The following DPP10 variants were observed in gnomAD, a reference collection of about 807,000 sequenced individuals.
DPP10 encodes the protein dipeptidyl peptidase like 10.
In DPP10, 33 loss-of-function variants were observed where a neutral mutation model predicts 120.9. That is an observed-to-expected ratio of 0.27 (90% confidence interval 0.21 to 0.37). The LOEUF (loss-of-function observed/expected upper bound fraction) is 0.37. DPP10 is among the 10% of genes least tolerant of loss of function. DPP10 has a pLI of 1.00. For missense variants in DPP10, 816 were observed against 942.8 expected (o/e 0.87, Z 1.76); for synonymous variants, 337 against 326.1 (o/e 1.03, Z -0.36).
At chr2:114,890,045 T>C (rs1261179349) in intron 1 of DPP10, among the ~76,000 whole-genome samples, 2 of 152,224 alleles carry the variant, frequency 1.3e-5, no homozygotes, top group African/African-American at 2.4e-5. Flanking sequence ...GATATGCAGA[T>C]GAATAAGTCA....
intron 5 of DPP10, among the ~76,000 whole-genome samples, chr2:115,582,555 C>G (rs2149132636): frequency 6.6e-6 from 1 of 152,284 alleles, no homozygotes; most frequent in Middle Eastern, 3.4e-3. Flanking sequence ...GGGAGTGATG[C>G]TCTCTTGCCC....
chr2:115,041,867 T>C (rs1704670224), intron 1 of DPP10, among the ~76,000 whole-genome samples: 1 of 152,184 alleles, frequency 6.6e-6, no homozygotes, highest in African/African-American at 2.4e-5. Context: ...GTGGTGCCCT[T>C]TGTAACACAA....
intron 1 of DPP10, among the ~76,000 whole-genome samples, chr2:115,103,300 G>C (rs931570660): frequency 6.7e-6 from 1 of 148,924 alleles, no homozygotes; most frequent in Non-Finnish European, 1.5e-5. Flanking sequence ...CCATTCTCCT[G>C]CCTCAGCCTC....
At chr2:115,737,230 A>T (rs1186547759) in intron 8 of DPP10, among the ~76,000 whole-genome samples, 1 of 152,188 alleles carries the variant, frequency 6.6e-6, no homozygotes, top group East Asian at 1.9e-4. Context: ...GAGGGGATGA[A>T]GCAGAGAAGG....
chr2:115,129,560 G>A (rs2050237478), intron 1 of DPP10, among the ~76,000 whole-genome samples: 1 of 152,168 alleles, frequency 6.6e-6, no homozygotes, highest in South Asian at 2.1e-4. Context: ...TATGCTTAAT[G>A]AATATATCAC....
At chr2:115,034,520 C>G (rs901590611) in intron 1 of DPP10, among the ~76,000 whole-genome samples, 3 of 152,186 alleles carry the variant, frequency 2.0e-5, no homozygotes, top group Non-Finnish European at 4.4e-5. Context: ...TGATCTCCCA[C>G]TGCCCTCAGA....
intron 1 of DPP10, among the ~76,000 whole-genome samples, chr2:114,873,837 A>T (rs1690914555): frequency 6.6e-6 from 1 of 152,138 alleles, no homozygotes; most frequent in African/African-American, 2.4e-5. Flanking sequence ...ATGGCTTTCT[A>T]TACGTAGATC....
chr2:115,376,065 G>A (rs2065770259), intron 3 of DPP10, among the ~76,000 whole-genome samples: 1 of 152,114 alleles, frequency 6.6e-6, no homozygotes, highest in African/African-American at 2.4e-5. Context: ...GGGAGCTGAT[G>A]CAGTAAATTT....
chr2:115,689,612 G>A (rs2091195962), intron 5 of DPP10, 75 bp from the exon 6 acceptor site: 1 of 977,754 alleles, frequency 1.0e-6, no homozygotes, highest in Admixed American at 3.0e-5. Flanking sequence ...TTACCTGGAT[G>A]TTACTAAGAA....
intron 1 of DPP10, among the ~76,000 whole-genome samples, chr2:115,183,472 A>G (rs1412608234): frequency 6.6e-6 from 1 of 152,140 alleles, no homozygotes; most frequent in Non-Finnish European, 1.5e-5. Flanking sequence ...CCATATACCT[A>G]CACATTTCTT....
rs1349513923 is a variant in DPP10, at chr2:115,691,749, T to C, written c.576+1828T>C. ...AATTTATTATTTGAATCTATATGTCTATTTTGGGAAATTAACATCTTAGTG... is the reference window on the plus strand; with the variant it reads ...AATTTATTATTTGAATCTATATGTCCATTTTGGGAAATTAACATCTTAGTG... On this transcript the variant is annotated intron_variant, in intron 7 of 25. Coordinates refer to ENST00000410059, the MANE Select transcript of DPP10 (RefSeq NM_020868.6). Among the ~76,000 whole-genome samples the C allele has an allele frequency of 3.3e-5, 5 of 152,296 alleles. No homozygotes were observed. The South Asian group carries it at 1.0e-3, about 32-fold the overall frequency.
intron 1 of DPP10, among the ~76,000 whole-genome samples, chr2:114,917,461 A>T (rs1169955355): frequency 6.6e-6 from 1 of 152,164 alleles, no homozygotes; most frequent in Admixed American, 6.5e-5. Context: ...AATTAGAAAA[A>T]AGCTATTCTA....
At chr2:115,378,436 C>T (rs1267199259) in intron 3 of DPP10, among the ~76,000 whole-genome samples, 1 of 151,628 alleles carries the variant, frequency 6.6e-6, no homozygotes, top group African/African-American at 2.4e-5. Context: ...TGCTTATCAG[C>T]TTAAGGAGAT....
chr2:115,633,194 A>G (rs1256239421), intron 5 of DPP10, among the ~76,000 whole-genome samples: 1 of 152,240 alleles, frequency 6.6e-6, no homozygotes, highest in Admixed American at 6.5e-5. Flanking sequence ...ATGTCCACCA[A>G]TGATAGACTG....
At chr2:115,529,948 A>G (rs2078362371) in intron 5 of DPP10, among the ~76,000 whole-genome samples, 1 of 152,146 alleles carries the variant, frequency 6.6e-6, no homozygotes, top group Non-Finnish European at 1.5e-5. Context: ...AATAAGGAAC[A>G]TAAAACTAGG....
chr2:115,564,276 T>C (rs1459158580), intron 5 of DPP10, among the ~76,000 whole-genome samples: 1 of 151,918 alleles, frequency 6.6e-6, no homozygotes, highest in Admixed American at 6.6e-5. Context: ...GTTTTATTTT[T>C]ATTTTATTTT....
intron 5 of DPP10, among the ~76,000 whole-genome samples, chr2:115,615,542 T>C (rs2084429062): frequency 6.6e-6 from 1 of 152,080 alleles, no homozygotes; most frequent in Non-Finnish European, 1.5e-5. Context: ...TCTATTAAAA[T>C]GTAGACACAA....
At position 114,497,144 on chromosome 2, in the gene DPP10, C is replaced by T. The variant is rs537030394; in HGVS notation, c.60+54306C>T. On this transcript the variant is annotated intron_variant, in intron 1 of 25. Transcript: ENST00000410059. ...ACACGTGTATACATGTAGGTATACACGTGTATACATGTAGGTGTACACGTG... is the reference window on the plus strand; with the variant it reads ...ACACGTGTATACATGTAGGTATACATGTGTATACATGTAGGTGTACACGTG... Among the ~76,000 whole-genome samples, 7 of 142,724 alleles carry T rather than the reference C, an allele frequency of 4.9e-5. No homozygotes were observed. In the South Asian group the frequency reaches 6.4e-4, roughly 13 times the overall value. The allele number at this position is 142,724 out of a possible 152,430, so 93.6% of individuals were successfully genotyped here.
At chr2:115,335,707 T>A (rs774029106) in intron 2 of DPP10, among the ~76,000 whole-genome samples, 4 of 152,068 alleles carry the variant, frequency 2.6e-5, no homozygotes, top group African/African-American at 4.8e-5. Flanking sequence ...CATCTAGCTG[T>A]GCAAGGAGGG....
Sources: allele counts gnomAD v4.1 joint callset (sites outside exome capture counted in the v4.1 genomes callset), GRCh38; gene constraint gnomAD v4.1.1; transcripts MANE v1.5; gene names NCBI Gene and HGNC (gene_info 2026-07-23, HGNC 2026-07-21).